PAX3: variants seen among roughly 807,000 people sequenced by gnomAD.
The protein encoded by PAX3 is paired box 3.
PAX3 carries 14 observed loss-of-function variants against 51.6 expected under a neutral mutation model. The observed-to-expected ratio is 0.27, with a 90% CI of 0.18 to 0.42. The LOEUF (loss-of-function observed/expected upper bound fraction) is 0.42. Ranked by LOEUF, PAX3 falls within the 10% of genes least tolerant of loss-of-function variation. The probability of loss-of-function intolerance (pLI) is 1.00; values close to 1 mark genes in which losing one functional copy is unlikely to be tolerated. For missense variants in PAX3, 540 were observed against 642.8 expected, an observed-to-expected ratio of 0.84 and a Z score of 1.73; for synonymous variants, 280 against 253.4, an observed-to-expected ratio of 1.11 and a Z score of -1.00.
At chr2:222,290,018 T>A (rs1038493263) in intron 4 of PAX3, among the ~76,000 whole-genome samples, 3 of 152,184 alleles carry the variant, frequency 2.0e-5, no homozygotes, top group African/African-American at 7.2e-5. Flanking sequence ...TTATACCCAA[T>A]GATTTTAATC....
At chr2:222,234,707 T>C (rs1204036410) in intron 4 of PAX3, among the ~76,000 whole-genome samples, 1 of 152,218 alleles carries the variant, frequency 6.6e-6, no homozygotes, top group Non-Finnish European at 1.5e-5. Flanking sequence ...CCCACCTCTA[T>C]AGAATATTCT....
At chr2:222,221,747 C>T (rs1047700021) in intron 5 of PAX3, 3 of 299,680 alleles carry the variant, frequency 1.0e-5, no homozygotes, top group Non-Finnish European at 6.5e-6. Flanking sequence ...ATACATGAGC[C>T]TCTGTGACCC....
chr2:222,276,506 C>T (rs1467204542), intron 4 of PAX3, among the ~76,000 whole-genome samples: 5 of 152,184 alleles, frequency 3.3e-5, no homozygotes, highest in East Asian at 1.9e-4. Context: ...TTTCCTCAAG[C>T]GGCTGCCTGT....
chr2:222,296,785 C>G (rs905256807), intron 2 of PAX3, among the ~76,000 whole-genome samples, 193 bp downstream of exon 2: 12 of 152,244 alleles, frequency 7.9e-5, no homozygotes, highest in Admixed American at 5.9e-4. Flanking sequence ...AGAGCTTTCC[C>G]TAAGTGTTCA....
At chr2:222,244,849 T>C (rs970676354) in intron 4 of PAX3, among the ~76,000 whole-genome samples, 3 of 152,024 alleles carry the variant, frequency 2.0e-5, no homozygotes, top group African/African-American at 7.2e-5. Flanking sequence ...GTATCTGTAC[T>C]GTGAGATCAA....
intron 7 of PAX3, among the ~76,000 whole-genome samples, chr2:222,217,593 G>A (rs1454736457): frequency 6.8e-6 from 1 of 146,796 alleles, no homozygotes; most frequent in Non-Finnish European, 1.5e-5. Context: ...GTGAGGAAAA[G>A]GAGAAATGGT....
intron 4 of PAX3, among the ~76,000 whole-genome samples, chr2:222,270,200 T>C (rs1559299273): frequency 1.3e-5 from 2 of 152,166 alleles, no homozygotes; most frequent in Non-Finnish European, 2.9e-5. Flanking sequence ...TGCAGAGAGG[T>C]TGATGATTAA....
intron 4 of PAX3, chr2:222,242,242 T>G (rs754210964): frequency 1.3e-5 from 2 of 152,196 alleles, no homozygotes; most frequent in Non-Finnish European, 2.9e-5. Context: ...TCTGAAATCA[T>G]AGCTATGTAA....
chr2:222,262,404 C>G (rs115476548), intron 4 of PAX3: 4 of 152,010 alleles, frequency 2.6e-5, no homozygotes, highest in South Asian at 2.1e-4. Flanking sequence ...TTTACTCAAC[C>G]CCCCCTCACC....
rs1010350342 is a variant in PAX3 at position 222,200,473 on chromosome 2, T to C, written c.*935A>G. 8.7e-6 allele frequency: 2 copies of C among 230,712 alleles called. No homozygotes were observed. Among genetic ancestry groups the C allele is most frequent in the South Asian group, 1.8e-4 (1 of 5,542 alleles). The allele number at this position is 230,712 out of a possible 1,614,324, so 14.3% of individuals were successfully genotyped here. A position where few individuals can be genotyped will look rare whatever the true frequency, so the allele number is the denominator to read the frequency against. On this transcript the variant is annotated 3_prime_UTR_variant, in exon 9 of 9. Coordinates refer to ENST00000392070, the MANE Select transcript of PAX3 (RefSeq NM_181458.4). ...CATCACTGCACTCTATCACTATGAA[T>C]TATGGGCTGTGAAAATAAAAGCACC...
In PAX3 at chr2:222,294,115, G is replaced by T. The variant is rs201251689; in HGVS notation, c.586+52C>A. 518 of 1,612,082 alleles carry T rather than the reference G, an allele frequency of 3.2e-4. 2 individuals carry two copies. In the South Asian group the frequency reaches 5.2e-3, roughly 16 times the overall value. The stretch of plus-strand genomic sequence containing the variant: ...GTCAGATCACCAATGTCAGCTAGCC[G>T]ATGCCCTCCAAGTCACCCAGCAAGT... On this transcript the variant is annotated intron_variant, in intron 4 of 8. Coordinates refer to ENST00000392070, the MANE Select transcript of PAX3 (RefSeq NM_181458.4).
chr2:222,293,627 C>A, intron 4 of PAX3: 3 of 1,613,372 alleles, frequency 1.9e-6, no homozygotes, highest in South Asian at 1.1e-5. Context: ...TCAAACAAAT[C>A]AAACCAGTCA....
chr2:222,277,998 C>T lies in PAX3; in HGVS notation c.586+16169G>A, dbSNP rs1186335639. Among the ~76,000 whole-genome samples, 14 of 146,816 alleles carry T rather than the reference C, an allele frequency of 9.5e-5. 1 individual carries two copies. Among genetic ancestry groups the T allele is most frequent in the Non-Finnish European group, 1.9e-4 (13 of 66,942 alleles). On this transcript the variant is annotated intron_variant, in intron 4 of 8. Coordinates refer to ENST00000392070, the MANE Select transcript of PAX3 (RefSeq NM_181458.4). ...TTTTTTTTTTTAGCTCATCAGCTAT[C>T]GTGTTAGTGTTAGTGTATTTTATGT...
At chr2:222,227,171 T>C (rs937411679) in intron 5 of PAX3, among the ~76,000 whole-genome samples, 1 of 152,198 alleles carries the variant, frequency 6.6e-6, no homozygotes, top group Non-Finnish European at 1.5e-5. Flanking sequence ...ATCATCTGAC[T>C]CCTAGTTAAA....
intron 1 of PAX3, chr2:222,298,136 A>G (rs1022288577): frequency 8.4e-6 from 2 of 238,676 alleles, no homozygotes; most frequent in African/African-American, 2.3e-5. Flanking sequence ...CTGAACTAAC[A>G]TATGTTTCAC....
At chr2:222,294,340 T>C (rs774228109) in intron 3 of PAX3, 39 bp from the exon 4 acceptor site, 5 of 1,611,888 alleles carry the variant, frequency 3.1e-6, no homozygotes, top group Admixed American at 3.3e-5. Flanking sequence ...GGAGCGCACA[T>C]GGTTGAGACA....
rs184206685 is a variant in PAX3 at position 222,210,954 on chromosome 2, C to T, written c.1174-8764G>A. Among the ~76,000 whole-genome samples, 7 of 152,220 alleles carry T rather than the reference C, an allele frequency of 4.6e-5. No homozygotes were observed. The East Asian group carries it at 1.4e-3, about 29-fold the overall frequency. ...CAATCACGGCTCACTGCAACCTCAC[C>T]CTCCTGGGCTTAAGCTGTCCTCTCA... On this transcript the variant is annotated intron_variant, in intron 7 of 8. Transcript: ENST00000392070.
chr2:222,219,890 C>T (rs1692116219), intron 7 of PAX3, among the ~76,000 whole-genome samples: 1 of 152,162 alleles, frequency 6.6e-6, no homozygotes, highest in South Asian at 2.1e-4. Flanking sequence ...AACACCTTCA[C>T]AGCTAAATAT....
chr2:222,272,395 A>G (rs1381118227), intron 4 of PAX3, among the ~76,000 whole-genome samples: 1 of 152,252 alleles, frequency 6.6e-6, no homozygotes, highest in Admixed American at 6.5e-5. Context: ...AGGAACAGAC[A>G]TCCTGCTGTA....
Sources: gnomAD v4.1 joint callset for allele counts (sites outside exome capture counted in the v4.1 genomes callset) on GRCh38, gnomAD v4.1.1 for gene constraint, MANE v1.5 for transcripts, NCBI Gene and HGNC (gene_info 2026-07-23, HGNC 2026-07-21) for gene names.